Variants in MVP observed in about 807,000 individuals in gnomAD.
The protein encoded by MVP is lung resistance-related protein.
MVP carries 62 observed loss-of-function variants against 83.5 expected under a neutral mutation model. The observed-to-expected ratio is 0.74, with a 90% confidence interval of 0.61 to 0.92. MVP has a LOEUF of 0.92. MVP is among the 40% of genes least tolerant of loss of function. The pLI, the probability that MVP is intolerant of heterozygous loss-of-function variation, is 0.00. For synonymous variants in MVP, 505 were observed against 504.1 expected (o/e 1.00, Z -0.02); for missense variants, 1,000 against 1,203.4 (o/e 0.83, Z 2.50).
At chr16:29,846,427 C>T in intron 13 of MVP, 143 bp downstream of exon 13, 1 of 1,277,108 alleles carries the variant, frequency 7.8e-7, no homozygotes, top group Non-Finnish European at 1.0e-6. Context: ...AAGTCCTTTG[C>T]CTTGTAGGAT....
chr16:29,826,593 G>T (rs1353457221), intron 1 of MVP, among the ~76,000 whole-genome samples: 2 of 144,166 alleles, frequency 1.4e-5, no homozygotes, highest in Non-Finnish European at 3.0e-5. Context: ...CTGCACTCCA[G>T]CCTGGGCAAC....
intron 6 of MVP, 87 bp downstream of exon 6, chr16:29,835,885 G>T: frequency 9.2e-7 from 1 of 1,084,288 alleles, no homozygotes. Flanking sequence ...TGGCATGAGA[G>T]TAAAAGAGAA....
In MVP at chr16:29,829,388, A is replaced by G. The variant is rs559397542; in HGVS notation, c.-35-1127A>G. Among the ~76,000 whole-genome samples, 4 of 140,996 alleles carry G rather than the reference A, an allele frequency of 2.8e-5. No individual in the cohort carries two copies. The East Asian group carries it at 6.4e-4, about 23-fold the overall frequency. 92.5% of individuals were successfully genotyped at this position (140,996 alleles called of 152,430 possible). ...TCTCAGCTACCCAGGAGGCTGAGGC[A>G]TGGCTTTTGTGAGCTATGATTGCAC... On this transcript the variant is annotated intron_variant, in intron 1 of 14. Coordinates refer to ENST00000357402, the MANE Select transcript of MVP (RefSeq NM_005115.5).
intron 1 of MVP, among the ~76,000 whole-genome samples, chr16:29,826,621 C>CAAA (rs35848068): frequency 3.2e-4 from 28 of 87,934 alleles, no homozygotes; most frequent in Middle Eastern, 0.015. Context: ...GACCTTATCT[C>CAAA]AAAAAAAAAA....
At chr16:29,839,330 A>G (rs2067513954) in intron 7 of MVP, among the ~76,000 whole-genome samples, 1 of 152,212 alleles carries the variant, frequency 6.6e-6, no homozygotes, top group African/African-American at 2.4e-5. Flanking sequence ...AGTAACTTCT[A>G]GGTACAGGAT....
At chr16:29,840,994 C>T (rs572590037) in intron 8 of MVP, among the ~76,000 whole-genome samples, 1 of 152,180 alleles carries the variant, frequency 6.6e-6, no homozygotes, top group South Asian at 2.1e-4. Context: ...GACAGGGACC[C>T]TTTCCCACAG....
intron 10 of MVP, among the ~76,000 whole-genome samples, chr16:29,842,774 T>C (rs777858130): frequency 2.0e-5 from 3 of 152,172 alleles, no homozygotes; most frequent in Non-Finnish European, 4.4e-5. Flanking sequence ...AGAGGGAACC[T>C]AGGAGTTCAC....
At position 29,836,764 on chromosome 16, in the gene MVP, A is replaced by C. The variant is rs2067490694; in HGVS notation, c.715A>C (p.Arg239=). Residue 239 remains arginine, a synonymous_variant, in exon 7 of 15, where the codon AGG becomes CGG. Transcript: ENST00000357402. The stretch of plus-strand genomic sequence containing the variant: ...GGCTCGGCGGAACTTCCGGGACTTC[A>C]GGGGAGTGTCCCGCCGCACTGGGGA... ...LRARRNFRDF[R]GVSRRTGEEW... is the part of the protein sequence containing the mutation. The C allele has an allele frequency of 6.2e-7, 1 of 1,610,788 alleles. No homozygotes were observed. Among genetic ancestry groups the C allele is most frequent in the Non-Finnish European group, 8.5e-7 (1 of 1,177,848 alleles).
chr16:29,836,770 G>C lies in MVP; in HGVS notation c.721G>C (p.Val241Leu). The C allele has an allele frequency of 6.2e-7, 1 of 1,611,666 alleles. No homozygotes were observed. The highest frequency in any genetic ancestry group is 8.5e-7 in the Non-Finnish European group (1 of 1,178,374). The change falls in exon 7 of 15, where the codon GTG (valine) becomes CTG (leucine). Residue 241 changes from valine (V) to leucine (L), a missense_variant. Physicochemically the swap from Val to Leu is conservative, Grantham distance 32. Coordinates refer to ENST00000357402, the MANE Select transcript of MVP (RefSeq NM_005115.5). ...GCGGAACTTCCGGGACTTCAGGGGA[G>C]TGTCCCGCCGCACTGGGGAGGAGTG... ...ARRNFRDFRG[V>L]SRRTGEEWLV...
intron 5 of MVP, 79 bp downstream of exon 5, chr16:29,834,145 A>G: frequency 1.3e-6 from 2 of 1,554,592 alleles, no homozygotes; most frequent in Non-Finnish European, 1.7e-6. Context: ...AGGTTGAGGA[A>G]AGCCTCCTGT....
rs1368962306 is a variant in MVP at position 29,823,106 on chromosome 16, CCTTTT to C, written c.-36+2612_-36+2616del. 5.8e-4 allele frequency among the ~76,000 whole-genome samples: 85 copies of C among 146,960 alleles called. 1 individual carries two copies. The highest frequency in any genetic ancestry group is 1.8e-3 in the East Asian group (9 of 5,084). On this transcript the variant is annotated intron_variant, in intron 1 of 14. Transcript: ENST00000357402. ...ACTTGAAGAGCAGTCATTTTTTTTTCCTTTTCTTTTCTTTTCTTTTTTTTTTTTTT... is the reference window on the plus strand; with the variant it reads ...ACTTGAAGAGCAGTCATTTTTTTTTCCTTTTCTTTTCTTTTTTTTTTTTTT...
At chr16:29,834,193 C>T (rs369182295) in intron 5 of MVP, 127 bp downstream of exon 5, 69 of 1,303,338 alleles carry the variant, frequency 5.3e-5, no homozygotes, top group East Asian at 4.7e-4. Flanking sequence ...CTTTTGAAAG[C>T]TGTTGAGGGC....
Position 29,847,226 on chromosome 16 carries a change from C to A in MVP, c.2295C>A (p.Val765=), listed in dbSNP as rs759232313. ...CTGAGCTCCAGAGGGTCCAGAAGGT[C>A]CGAGAGCTGGAACTGGTCTATGCCC... ...TEAELQRVQK[V]RELELVYARA... Residue 765 remains valine (V), a synonymous_variant, in exon 14 of 15, where the codon GTC becomes GTA. Transcript: ENST00000357402. 6.2e-7 allele frequency: 1 copy of A among 1,613,572 alleles called. No individual in the cohort carries two copies. The highest frequency in any genetic ancestry group is 8.5e-7 in the Non-Finnish European group (1 of 1,180,014).
In MVP at chr16:29,847,928, C is replaced by A. The variant is rs368030868; in HGVS notation, c.2621C>A (p.Pro874His). ...CCCAGCCCTGGGGAGGGGATATCCC[C>A]CCAGTCTGCTCAGGCCCCTCAAGCT... The part of the protein sequence containing the change: ...SGPSPGEGIS[P>H]QSAQAPQAPG... Residue 874 changes from proline to histidine, a missense_variant, in exon 15 of 15, where the codon CCC (proline) becomes CAC (histidine). Transcript: ENST00000357402. The A allele has an allele frequency of 6.2e-7, 1 of 1,613,624 alleles. No homozygotes were observed. The highest frequency in any genetic ancestry group is 2.2e-5 in the East Asian group (1 of 44,888).
Position 29,831,007 on chromosome 16 carries a change from C to T in MVP, c.255C>T (p.His85=), listed in dbSNP as rs990775398. The change falls in exon 3 of 15, where the codon CAC becomes CAT. Residue 85 remains histidine, a synonymous_variant. Coordinates refer to ENST00000357402, the MANE Select transcript of MVP (RefSeq NM_005115.5). ...TCACAGGGCAAGTTCGGCTTCGCCA[C>T]GCTGACCTCGAGATCCGGCTGGCCC... ...FDVTGQVRLR[H]ADLEIRLAQD... is the part of the protein sequence containing the mutation. 1.1e-5 allele frequency: 18 copies of T among 1,613,856 alleles called. No individual in the cohort carries two copies. Among genetic ancestry groups the T allele is most frequent in the African/African-American group, 5.3e-5 (4 of 74,884 alleles).
intron 10 of MVP, among the ~76,000 whole-genome samples, chr16:29,842,779 G>T (rs746885809): frequency 6.6e-6 from 1 of 152,228 alleles, no homozygotes; most frequent in Non-Finnish European, 1.5e-5. Context: ...GAACCTAGGA[G>T]TTCACGCAAA....
At chr16:29,834,356 AAAG>A (rs2067468621) in intron 5 of MVP, 5 of 394,084 alleles carry the variant, frequency 1.3e-5, no homozygotes, top group Admixed American at 3.7e-5. Context: ...CTGGATCAAC[AAAG>A]AAGATGTTCA....
intron 7 of MVP, among the ~76,000 whole-genome samples, chr16:29,838,470 A>T (rs1235617201): frequency 6.6e-6 from 1 of 152,024 alleles, no homozygotes; most frequent in South Asian, 2.1e-4. Context: ...CCAAATGTAC[A>T]TATATAATGA....
intron 12 of MVP, 69 bp from the exon 13 acceptor site, chr16:29,846,089 A>C: frequency 1.2e-6 from 2 of 1,602,200 alleles, no homozygotes; most frequent in Non-Finnish European, 1.7e-6. Context: ...GCACGGCTAC[A>C]GCATAAGCCA....
Sources: gnomAD v4.1 joint callset for allele counts (sites outside exome capture counted in the v4.1 genomes callset) on GRCh38, gnomAD v4.1.1 for gene constraint, MANE v1.5 for transcripts, NCBI Gene and HGNC (gene_info 2026-07-23, HGNC 2026-07-21) for gene names.